Variants in ZBTB16 observed in about 807,000 individuals in gnomAD.
ZBTB16 encodes the protein zinc finger and BTB domain-containing protein 16.
Under a neutral mutation model 56.8 loss-of-function variants are expected in ZBTB16, and 8 were observed. The ratio of observed to expected loss-of-function variants is 0.14; its 90% confidence interval spans 0.08 to 0.25. ZBTB16 has a LOEUF of 0.25. Ranked by LOEUF, ZBTB16 falls within the 10% of genes least tolerant of loss-of-function variation. The pLI is 1.00. For synonymous variants in ZBTB16, 363 were observed against 368.5 expected (o/e 0.98, Z 0.17); for missense variants, 625 against 903.0 (o/e 0.69, Z 3.95).
At chr11:114,142,446 C>T (rs61004552) in intron 2 of ZBTB16, among the ~76,000 whole-genome samples, 10,873 of 152,242 alleles carry the variant, frequency 0.071, 687 homozygotes, top group African/African-American at 0.17. Flanking sequence ...TGTAATCTAC[C>T]TTCATTTCAA....
chr11:114,227,317 GA>G (rs749124393), intron 4 of ZBTB16, among the ~76,000 whole-genome samples: 7 of 152,338 alleles, frequency 4.6e-5, no homozygotes, highest in Middle Eastern at 3.4e-3. Context: ...TGTGCTGGGG[GA>G]AGGTGTGGTC....
chr11:114,247,208 C>G lies in ZBTB16; in HGVS notation c.1635C>G (p.Pro545=). The G allele has an allele frequency of 3.7e-6, 6 of 1,614,258 alleles. No individual in the cohort carries two copies. The highest frequency in any genetic ancestry group is 5.1e-6 in the Non-Finnish European group (6 of 1,180,050). Reference sequence around the variant, plus strand: ...CCCTTGTCTCCACAGGCGACCACCCCTACGAGTGTGAGTTCTGTGGCAGCT... The same window carrying G: ...CCCTTGTCTCCACAGGCGACCACCCGTACGAGTGTGAGTTCTGTGGCAGCT... ...RHLRSHTGDH[P]YECEFCGSCF... is the part of the protein sequence containing the mutation. The change falls in exon 6 of 7, where the codon CCC becomes CCG. Residue 545 remains proline, a synonymous_variant. Coordinates refer to ENST00000335953, the MANE Select transcript of ZBTB16 (RefSeq NM_006006.6).
At chr11:114,127,795 C>T (rs1336521156) in intron 2 of ZBTB16, among the ~76,000 whole-genome samples, 2 of 152,218 alleles carry the variant, frequency 1.3e-5, no homozygotes, top group Non-Finnish European at 2.9e-5. Flanking sequence ...GACTCTGATT[C>T]CCATCTGATG....
chr11:114,135,202 T>A (rs1195545068), intron 2 of ZBTB16, among the ~76,000 whole-genome samples: 1 of 152,072 alleles, frequency 6.6e-6, no homozygotes, highest in Admixed American at 6.5e-5. Context: ...GACTTGTGAG[T>A]CCCTCCGTGG....
intron 2 of ZBTB16, among the ~76,000 whole-genome samples, chr11:114,148,962 TTC>T (rs925732439): frequency 4.6e-5 from 7 of 151,852 alleles, no homozygotes; most frequent in African/African-American, 1.7e-4. Flanking sequence ...TCTCTTCCGA[TTC>T]TCTTTCTTGT....
chr11:114,167,592 G>A lies in ZBTB16; in HGVS notation c.1366+11158G>A, dbSNP rs371700806. 1.7e-4 allele frequency among the ~76,000 whole-genome samples: 26 copies of A among 152,016 alleles called. No homozygotes were observed. In the South Asian group the frequency reaches 4.4e-3, roughly 25 times the overall value. On this transcript the variant is annotated intron_variant, in intron 3 of 6. Coordinates refer to ENST00000335953, the MANE Select transcript of ZBTB16 (RefSeq NM_006006.6). ...CCACAATGCATAAATGTCCTTGGCCGTCTGGTTTTTCTCCCTAACCCTGAT... is the reference window on the plus strand; with the variant it reads ...CCACAATGCATAAATGTCCTTGGCCATCTGGTTTTTCTCCCTAACCCTGAT...
intron 3 of ZBTB16, among the ~76,000 whole-genome samples, chr11:114,177,826 G>A (rs1192186189): frequency 6.6e-6 from 1 of 152,136 alleles, no homozygotes; most frequent in Non-Finnish European, 1.5e-5. Flanking sequence ...TGGAGACAGA[G>A]TATCACTCCG....
intron 3 of ZBTB16, among the ~76,000 whole-genome samples, chr11:114,157,619 C>T (rs923395631): frequency 2.0e-5 from 3 of 152,192 alleles, no homozygotes; most frequent in Non-Finnish European, 2.9e-5. Context: ...TGGGTACAGT[C>T]GTGGAAGTGC....
intron 2 of ZBTB16, among the ~76,000 whole-genome samples, chr11:114,133,229 G>A (rs551007216): frequency 1.3e-5 from 2 of 152,142 alleles, no homozygotes; most frequent in South Asian, 4.2e-4. Flanking sequence ...ACAAAATGTG[G>A]GGGGTGCAGT....
rs56992106 is a variant in ZBTB16, at chr11:114,095,249, T to TCTTTTCTTTTC, written c.1268+30681_1268+30682insCTTTTCTTTTC. Among the ~76,000 whole-genome samples the TCTTTTCTTTTC allele has an allele frequency of 2.5e-3, 256 of 101,246 alleles. 1 individual carries two copies. Among genetic ancestry groups the TCTTTTCTTTTC allele is most frequent in the African/African-American group, 9.8e-3 (241 of 24,680 alleles). 66.4% of individuals were successfully genotyped at this position (101,246 alleles called of 152,430 possible). On this transcript the variant is annotated intron_variant, in intron 2 of 6. Coordinates refer to ENST00000335953, the MANE Select transcript of ZBTB16 (RefSeq NM_006006.6). ...CAATTTCTTTTCTTTTCTTTTCTTT[T>TCTTTTCTTTTC]TTTTTTTTTTTTTTTTTTTTTTGTG...
chr11:114,251,199 CTT>C lies in ZBTB16; in HGVS notation c.*646_*647del, dbSNP rs1176026414. Among the ~76,000 whole-genome samples the C allele has an allele frequency of 6.6e-6, 1 of 152,162 alleles. No individual in the cohort carries two copies. Among genetic ancestry groups the C allele is most frequent in the Non-Finnish European group, 1.5e-5 (1 of 68,032 alleles). ...CAGGACCCCTGCCCCTCCTCCAGCT[CTT>C]TGTTCCCAGCCTCCCCTTGACTCCT... On this transcript the variant is annotated 3_prime_UTR_variant, in exon 7 of 7. Coordinates refer to ENST00000335953, the MANE Select transcript of ZBTB16 (RefSeq NM_006006.6).
intron 4 of ZBTB16, among the ~76,000 whole-genome samples, chr11:114,214,682 C>G (rs1377516479): frequency 1.3e-5 from 2 of 152,158 alleles, no homozygotes; most frequent in South Asian, 2.1e-4. Flanking sequence ...TGGCTCACTG[C>G]AATCTCCGCC....
chr11:114,139,626 CGTGTGTGTGTGTGTGTGT>C (rs750514241), intron 2 of ZBTB16, among the ~76,000 whole-genome samples: 2 of 138,566 alleles, frequency 1.4e-5, no homozygotes, highest in African/African-American at 2.8e-5. Context: ...CCGCGGTCCA[CGTGTGTGTGTGTGTGTGT>C]GTGTGTGTGT....
In ZBTB16 at chr11:114,071,689, G is replaced by A. The variant is rs1939353172; in HGVS notation, c.1268+7121G>A. Among the ~76,000 whole-genome samples, 3 of 152,216 alleles carry A rather than the reference G, an allele frequency of 2.0e-5. No homozygotes were observed. In the South Asian group the frequency reaches 6.2e-4, roughly 32 times the overall value. On this transcript the variant is annotated intron_variant, in intron 2 of 6. Coordinates refer to ENST00000335953, the MANE Select transcript of ZBTB16 (RefSeq NM_006006.6). The stretch of plus-strand genomic sequence containing the variant: ...AGTCTTACTAAATGAATACAGGTGT[G>A]CCTCAGTTTGTCCATTGGAGGGTTT...
intron 4 of ZBTB16, among the ~76,000 whole-genome samples, chr11:114,205,334 C>T (rs765533875): frequency 1.3e-5 from 2 of 150,902 alleles, no homozygotes; most frequent in African/African-American, 4.9e-5. Flanking sequence ...GACGTGAACC[C>T]GGGAGGTGGA....
intron 2 of ZBTB16, among the ~76,000 whole-genome samples, chr11:114,073,053 CAAAAAA>C (rs11349665): frequency 1.4e-5 from 1 of 69,980 alleles, no homozygotes. Context: ...GAGACTGTCT[CAAAAAA>C]AAAAAAAAAA....
intron 2 of ZBTB16, among the ~76,000 whole-genome samples, chr11:114,130,588 A>T (rs888103366): frequency 6.6e-6 from 1 of 152,254 alleles, no homozygotes; most frequent in South Asian, 2.1e-4. Flanking sequence ...GTGGGTAGGC[A>T]GCAGTCCCTA....
intron 2 of ZBTB16, among the ~76,000 whole-genome samples, chr11:114,084,794 C>G (rs1039847921): frequency 2.6e-5 from 4 of 152,208 alleles, no homozygotes; most frequent in Non-Finnish European, 5.9e-5. Context: ...AAAATACAGT[C>G]AATGTTTAGA....
intron 2 of ZBTB16, among the ~76,000 whole-genome samples, chr11:114,090,102 C>A (rs1287378768): frequency 6.6e-6 from 1 of 152,210 alleles, no homozygotes; most frequent in African/African-American, 2.4e-5. Flanking sequence ...CATTATTGCT[C>A]TCATGCCCAC....
Sources: gnomAD v4.1 joint callset for allele counts (sites outside exome capture counted in the v4.1 genomes callset) on GRCh38, gnomAD v4.1.1 for gene constraint, MANE v1.5 for transcripts, NCBI Gene and HGNC (gene_info 2026-07-23, HGNC 2026-07-21) for gene names.